The following PTCSC3 variants were observed in gnomAD, a reference collection of about 807,000 sequenced individuals.
PTCSC3 encodes the protein papillary thyroid carcinoma susceptibility candidate 3, also known as papillary thyroid carcinoma susceptibility candidate 3 (non-protein coding).
chr14:36,161,377 G>C (rs1881952768), intron 2 of PTCSC3, among the ~76,000 whole-genome samples: 1 of 152,158 alleles, frequency 6.6e-6, no homozygotes, highest in African/African-American at 2.4e-5. Flanking sequence ...TTTGGTCTTT[G>C]ATGCTGGTGA....
At chr14:36,155,154 C>G (rs1463664068) in intron 2 of PTCSC3, among the ~76,000 whole-genome samples, 1 of 152,228 alleles carries the variant, frequency 6.6e-6, no homozygotes, top group South Asian at 2.1e-4. Context: ...ATAATTACCT[C>G]ATTATTAAAG....
At position 36,143,250 on chromosome 14, in the gene PTCSC3, T is replaced by C. The variant is rs200651571; in HGVS notation, n.323-6894A>G. ...ATCACCACACTGACTTCCACAATGG[T>C]TGAACTAGTTTACAGTCCCACCAAC... On this transcript the variant is annotated intron_variant and non_coding_transcript_variant, in intron 3 of 3. Coordinates refer to ENST00000556013, the Ensembl canonical transcript of PTCSC3. Among the ~76,000 whole-genome samples, 4 of 144,908 alleles carry C rather than the reference T, an allele frequency of 2.8e-5. No homozygotes were observed. In the East Asian group the frequency reaches 6.0e-4, roughly 22 times the overall value.
chr14:36,166,529 C>T (rs777908305), intron 1 of PTCSC3, among the ~76,000 whole-genome samples: 3 of 152,110 alleles, frequency 2.0e-5, no homozygotes, highest in Non-Finnish European at 2.9e-5. Context: ...TATACATACT[C>T]TTGGTTTTTT....
At chr14:36,154,168 C>A (rs944808283) in intron 2 of PTCSC3, among the ~76,000 whole-genome samples, 2 of 151,828 alleles carry the variant, frequency 1.3e-5, no homozygotes, top group Non-Finnish European at 2.9e-5. Context: ...AACACAGGCA[C>A]AAATAGTCAA....
intron 1 of PTCSC3, among the ~76,000 whole-genome samples, chr14:36,167,708 A>G (rs1337928392): frequency 6.6e-6 from 1 of 152,200 alleles, no homozygotes; most frequent in Non-Finnish European, 1.5e-5. Flanking sequence ...AAGCTGGTGA[A>G]GGAAAGAACC....
intron 1 of PTCSC3, chr14:36,165,294 A>C (rs1349759858): frequency 6.6e-6 from 1 of 152,226 alleles, no homozygotes; most frequent in Non-Finnish European, 1.5e-5. Context: ...CACTTAGAAC[A>C]GGTAAGTGTG....
chr14:36,160,262 T>C (rs963251993), intron 2 of PTCSC3, among the ~76,000 whole-genome samples: 1 of 152,232 alleles, frequency 6.6e-6, no homozygotes, highest in Non-Finnish European at 1.5e-5. Flanking sequence ...AATTTGATCC[T>C]GTCATTATGA....
rs572376331 is a variant in PTCSC3 at position 36,148,784 on chromosome 14, A to C, written n.322+5020T>G. 3.9e-5 allele frequency among the ~76,000 whole-genome samples: 6 copies of C among 152,256 alleles called. 1 individual carries two copies. The highest frequency in any genetic ancestry group is 1.4e-4 in the African/African-American group (6 of 41,560). On this transcript the variant is annotated intron_variant and non_coding_transcript_variant, in intron 3 of 3. Coordinates refer to ENST00000556013, the Ensembl canonical transcript of PTCSC3. ...ATCTTTTGAGGAATTAGCCCATTTT[A>C]TCTAAATATTATCACGTTGTGGGCA...
At chr14:36,139,138 A>AAAC (rs1881360982) in intron 3 of PTCSC3, among the ~76,000 whole-genome samples, 1 of 142,070 alleles carries the variant, frequency 7.0e-6, no homozygotes, top group African/African-American at 2.5e-5. Flanking sequence ...AAAAAAAAAA[A>AAAC]AAGAAATGCA....
rs563061758 is a variant in PTCSC3, at chr14:36,153,999, G to A, written n.232-105C>T. The A allele has an allele frequency of 8.6e-5, 13 of 151,510 alleles. No homozygotes were observed. The South Asian group carries it at 1.9e-3, about 22-fold the overall frequency. 9.4% of individuals were successfully genotyped at this position (151,510 alleles called of 1,614,324 possible). On this transcript the variant is annotated intron_variant and non_coding_transcript_variant, in intron 2 of 3. Coordinates refer to ENST00000556013, the Ensembl canonical transcript of PTCSC3. Reference sequence around the variant, plus strand: ...ATGGGTCACCTGAGCCTGGGAGGTCGAGCCTGCAAGTGAATTGAGTTGGTG... The same window carrying A: ...ATGGGTCACCTGAGCCTGGGAGGTCAAGCCTGCAAGTGAATTGAGTTGGTG...
chr14:36,135,849 C>T, downstream of PTCSC3, among the ~76,000 whole-genome samples: 1 of 151,064 alleles, frequency 6.6e-6, no homozygotes, highest in Non-Finnish European at 1.5e-5. Flanking sequence ...AGTCAGGGTT[C>T]TCTAGAGGGA....
chr14:36,137,546 A>G (rs1211176938), intron 3 of PTCSC3, among the ~76,000 whole-genome samples: 1 of 152,188 alleles, frequency 6.6e-6, no homozygotes. Context: ...ATGATGGCTC[A>G]TATCTGAGTG....
chr14:36,158,121 T>A (rs969867756), intron 2 of PTCSC3, among the ~76,000 whole-genome samples: 1 of 152,248 alleles, frequency 6.6e-6, no homozygotes, highest in African/African-American at 2.4e-5. Flanking sequence ...GAGACTTTGC[T>A]GAAGTTGCTT....
chr14:36,159,510 T>C (rs1220202028), intron 2 of PTCSC3, among the ~76,000 whole-genome samples: 2 of 152,196 alleles, frequency 1.3e-5, no homozygotes, highest in African/African-American at 2.4e-5. Flanking sequence ...ATTTACCCAG[T>C]AGTCATTCAG....
chr14:36,148,211 G>A (rs1438498249), intron 3 of PTCSC3, among the ~76,000 whole-genome samples: 1 of 152,110 alleles, frequency 6.6e-6, no homozygotes, highest in Non-Finnish European at 1.5e-5. Context: ...CTTCCCGGCT[G>A]CTTTGTTTAC....
chr14:36,157,066 C>G (rs1881845846), intron 2 of PTCSC3, among the ~76,000 whole-genome samples: 1 of 152,188 alleles, frequency 6.6e-6, no homozygotes, highest in African/African-American at 2.4e-5. Flanking sequence ...CACATCCTCT[C>G]CAGCATCTGT....
chr14:36,161,798 T>G (rs892654547), intron 2 of PTCSC3, among the ~76,000 whole-genome samples: 16 of 152,104 alleles, frequency 1.1e-4, no homozygotes, highest in African/African-American at 3.9e-4. Context: ...GTAGGCACAT[T>G]TAAGTCTGCT....
At chr14:36,172,478 TCTAA>T (rs1882209146) in intron 1 of PTCSC3, among the ~76,000 whole-genome samples, 1 of 152,070 alleles carries the variant, frequency 6.6e-6, no homozygotes, top group African/African-American at 2.4e-5. Context: ...TGTAAATAAC[TCTAA>T]CTACCAGAGC....
intron 3 of PTCSC3, among the ~76,000 whole-genome samples, chr14:36,140,509 A>G (rs1428305826): frequency 6.6e-6 from 1 of 152,134 alleles, no homozygotes; most frequent in Non-Finnish European, 1.5e-5. Flanking sequence ...AGCCTTTGAT[A>G]TTGTCAGGTT....
Sources: allele counts gnomAD v4.1 joint callset (sites outside exome capture counted in the v4.1 genomes callset), GRCh38; gene constraint gnomAD v4.1.1; transcripts MANE v1.5; gene names NCBI Gene and HGNC (gene_info 2026-07-23, HGNC 2026-07-21).